The following CNOT1 variants were observed in gnomAD, a reference collection of about 807,000 sequenced individuals.
The protein encoded by CNOT1 is CCR4-NOT transcription complex subunit 1.
CNOT1 carries 15 observed loss-of-function variants against 273.8 expected under a neutral mutation model. The observed-to-expected ratio is 0.05, with a 90% CI of 0.04 to 0.08. The LOEUF (loss-of-function observed/expected upper bound fraction) is 0.08. Among genes scored for constraint, CNOT1 ranks in the 10% least tolerant of loss-of-function variants. CNOT1 has a pLI of 1.00. For missense variants in CNOT1, 1,644 were observed against 2,912.2 expected, an observed-to-expected ratio of 0.56 and a Z score of 10.02; for synonymous variants, 1,022 against 1,005.5, an observed-to-expected ratio of 1.02 and a Z score of -0.31.
chr16:58,525,231 G>A lies in CNOT1; in HGVS notation c.6732C>T (p.His2244=). Residue 2244 remains histidine (H), a synonymous_variant, in exon 46 of 49, where the codon CAC becomes CAT. Transcript: ENST00000317147. ...GSTPSMSTIT[H]SAHMDIFQNL... ...TCTGGAAGATATCCATGTGTGCTGAGTGAGTGATGGTGCTCATTGAAGGTG... is the reference window on the plus strand; with the variant it reads ...TCTGGAAGATATCCATGTGTGCTGAATGAGTGATGGTGCTCATTGAAGGTG... The A allele has an allele frequency of 6.2e-7, 1 of 1,613,972 alleles. No individual in the cohort carries two copies. The highest frequency in any genetic ancestry group is 1.7e-5 in the Admixed American group (1 of 60,022).
At position 58,574,699 on chromosome 16, in the gene CNOT1, C is replaced by G; in HGVS notation, c.1889G>C (p.Gly630Ala). Residue 630 changes from glycine to alanine, a missense_variant, in exon 16 of 49, where the codon GGA (glycine) becomes GCA (alanine). Gly to Ala is a moderately conservative substitution (Grantham distance 60). Transcript: ENST00000317147. ...LKRRCPSILG[G>A]LAPEKDQPKS... is the part of the protein sequence containing the mutation. ...GGGCTGGTCTTTTTCTGGGGCAAGT[C>G]CGCCCAAAATAGAAGGACACCGTCT... The G allele has an allele frequency of 6.2e-7, 1 of 1,608,682 alleles. No individual in the cohort carries two copies. Among genetic ancestry groups the G allele is most frequent in the Non-Finnish European group, 8.5e-7 (1 of 1,179,022 alleles).
intron 34 of CNOT1, 62 bp from the exon 35 acceptor site, chr16:58,540,021 C>T (rs2040040374): frequency 6.6e-7 from 1 of 1,523,376 alleles, no homozygotes; most frequent in African/African-American, 1.4e-5. Context: ...TTTATTGACA[C>T]ATGTATCAAA....
chr16:58,542,819 G>A (rs887765904), intron 31 of CNOT1, among the ~76,000 whole-genome samples: 36 of 152,222 alleles, frequency 2.4e-4, no homozygotes, highest in East Asian at 7.7e-4. Flanking sequence ...GGCCAGACGC[G>A]GTGGCTCACA....
chr16:58,533,543 G>A (rs1407965777), intron 40 of CNOT1, among the ~76,000 whole-genome samples: 3 of 152,366 alleles, frequency 2.0e-5, no homozygotes, highest in South Asian at 2.1e-4. Flanking sequence ...GGCTGAGGCA[G>A]GAGAATGGCG....
chr16:58,568,679 C>T (rs1251228115), intron 16 of CNOT1, among the ~76,000 whole-genome samples: 1 of 150,098 alleles, frequency 6.7e-6, no homozygotes, highest in African/African-American at 2.5e-5. Context: ...GACTCCGTCT[C>T]GATTTTAAAA....
intron 4 of CNOT1, 22 bp downstream of exon 4, chr16:58,587,758 T>TA: frequency 6.2e-7 from 1 of 1,610,744 alleles, no homozygotes; most frequent in Non-Finnish European, 8.5e-7. Context: ...ATCACACTCT[T>TA]AAAGATAATA....
intron 42 of CNOT1, 81 bp downstream of exon 42, chr16:58,531,877 A>T (rs980020819): frequency 1.3e-6 from 2 of 1,489,614 alleles, no homozygotes; most frequent in East Asian, 4.5e-5. Context: ...CTAAATGACT[A>T]ATAGAAATCT....
chr16:58,537,105 C>A lies in CNOT1; in HGVS notation c.5530G>T (p.Asp1844Tyr). ...GCCTTCTCCCTCAGGCCTGGAGGGT[C>A]ATCATACTCTGAGGCTTGAGAGATC... Reference protein sequence around the residue: ...SGISQASEYDDPPGLREKAEY... With the variant: ...SGISQASEYDYPPGLREKAEY... The change falls in exon 39 of 49, where the codon GAC becomes TAC. Residue 1844 changes from aspartate (D) to tyrosine (Y), a missense_variant. Asp to Tyr is a radical substitution (Grantham distance 160). This residue lies in a region of CNOT1 where 133 missense variants were observed against 328.2 expected (regional missense o/e 0.41). Transcript: ENST00000317147. 6.2e-7 allele frequency: 1 copy of A among 1,614,174 alleles called. No individual in the cohort carries two copies. The highest frequency in any genetic ancestry group is 8.5e-7 in the Non-Finnish European group (1 of 1,180,034).
At chr16:58,565,949 A>AAC (rs975657897) in intron 16 of CNOT1, among the ~76,000 whole-genome samples, 2 of 151,820 alleles carry the variant, frequency 1.3e-5, no homozygotes, top group Middle Eastern at 3.2e-3. Context: ...CAAAAAAAAA[A>AAC]AAAAGTACAA....
At chr16:58,521,065 T>C (rs2039350337) in intron 48 of CNOT1, 29 bp from the exon 49 acceptor site, 2 of 1,613,878 alleles carry the variant, frequency 1.2e-6, no homozygotes, top group South Asian at 2.2e-5. Flanking sequence ...TACAAATCTC[T>C]GATTAAAGAG....
chr16:58,622,348 GGGCGGGC>G (rs2043377551), intron 1 of CNOT1, among the ~76,000 whole-genome samples: 5 of 37,932 alleles, frequency 1.3e-4, no homozygotes, highest in African/African-American at 3.3e-4. Context: ...GGGGGGGGGG[GGGCGGGC>G]GTGGACAATG....
intron 16 of CNOT1, among the ~76,000 whole-genome samples, chr16:58,566,653 C>G (rs1386039693): frequency 6.6e-6 from 1 of 152,112 alleles, no homozygotes; most frequent in African/African-American, 2.4e-5. Flanking sequence ...GAATGTTTAG[C>G]CAGTATGATT....
chr16:58,600,725 G>A (rs2042430536), intron 1 of CNOT1, among the ~76,000 whole-genome samples: 1 of 152,206 alleles, frequency 6.6e-6, no homozygotes, highest in Non-Finnish European at 1.5e-5. Context: ...GCCCAAAGCA[G>A]CAGTACAGCT....
At chr16:58,538,636 C>T in intron 36 of CNOT1, 136 bp downstream of exon 36, 1 of 1,314,452 alleles carries the variant, frequency 7.6e-7, no homozygotes, top group Non-Finnish European at 1.0e-6. Context: ...ACAATTCTCA[C>T]CTCTCAGAAG....
In CNOT1 at chr16:58,560,317, G is replaced by A. The variant is rs1312762479; in HGVS notation, c.2025C>T (p.Ala675=). Residue 675 remains alanine, a synonymous_variant, in exon 17 of 49, where the codon GCC becomes GCT. Coordinates refer to ENST00000317147, the MANE Select transcript of CNOT1 (RefSeq NM_016284.5). ...ELSETILTMV[A]NCSNVMNKAR... ...CCTTATTCATAACATTACTGCAATT[G>A]GCTACCATGGTGAGGATAGTTTCTG... 3 of 1,614,096 alleles carry A rather than the reference G, an allele frequency of 1.9e-6. No homozygotes were observed. In the East Asian group the frequency reaches 6.7e-5, roughly 36 times the overall value.
chr16:58,591,140 CA>C (rs2042038266), intron 2 of CNOT1, among the ~76,000 whole-genome samples: 1 of 152,080 alleles, frequency 6.6e-6, no homozygotes, highest in South Asian at 2.1e-4. Flanking sequence ...ACCTAGAGTG[CA>C]AAAGCACAGA....
At position 58,523,438 on chromosome 16, in the gene CNOT1, G is replaced by A. The variant is rs11644694; in HGVS notation, c.6849C>T (p.Tyr2283=). The A allele has an allele frequency of 0.04, 63,852 of 1,613,818 alleles. 1,456 individuals are homozygous for A. The highest frequency in any genetic ancestry group is 0.048 in the Non-Finnish European group (56,508 of 1,179,714). ...AAAGGTACAGCATGGTGCAACTGAA[G>A]TAGTGAGTGTGGCTATTTGGGTACC... The part of the protein sequence containing the change: ...QLRYPNSHTH[Y]FSCTMLYLFA... Residue 2283 remains tyrosine (Y), a synonymous_variant, in exon 47 of 49, where the codon TAC becomes TAT. Transcript: ENST00000317147.
At chr16:58,601,885 AAG>A (rs1482492401) in intron 1 of CNOT1, among the ~76,000 whole-genome samples, 3 of 150,854 alleles carry the variant, frequency 2.0e-5, no homozygotes, top group African/African-American at 7.3e-5. Flanking sequence ...AAAAAAAAAA[AAG>A]TAAAATATTT....
intron 12 of CNOT1, among the ~76,000 whole-genome samples, chr16:58,579,495 A>G (rs995407656): frequency 2.6e-5 from 4 of 152,206 alleles, no homozygotes; most frequent in African/African-American, 7.2e-5. Flanking sequence ...TATCTGTTCA[A>G]ATAAAATGAA....
Sources: gnomAD v4.1 joint callset for allele counts (sites outside exome capture counted in the v4.1 genomes callset) on GRCh38, gnomAD v4.1.1 for gene constraint, gnomAD v4.1.1 regional missense constraint, MANE v1.5 for transcripts, NCBI Gene and HGNC (gene_info 2026-07-23, HGNC 2026-07-21) for gene names.